The following TRIM5 variants were observed in gnomAD, a reference collection of about 807,000 sequenced individuals.
The protein encoded by TRIM5 is tripartite motif containing 5, also known as tripartite motif-containing protein 5.
TRIM5 carries 31 observed loss-of-function variants against 35.6 expected under a neutral mutation model. That is an observed-to-expected ratio of 0.87 (90% CI 0.65 to 1.18). TRIM5 has a LOEUF of 1.18. Ranked by LOEUF, TRIM5 falls within the 50% of genes most tolerant of loss-of-function variation. TRIM5 has a pLI of 0.00. For missense variants in TRIM5, 609 were observed against 591.6 expected, an observed-to-expected ratio of 1.03 and a Z score of -0.31; for synonymous variants, 243 against 215.6, an observed-to-expected ratio of 1.13 and a Z score of -1.11.
the TRIM5 span, among the ~76,000 whole-genome samples, chr11:5,592,932 A>G: frequency 5.4e-5 from 6 of 110,692 alleles, no homozygotes; most frequent in South Asian, 2.8e-4. Flanking sequence ...AAAAAAAAAG[A>G]AAAAAGAAAA....
chr11:5,643,925 C>A, the TRIM5 span: 1 of 614,240 alleles, frequency 1.6e-6, no homozygotes, highest in Non-Finnish European at 2.7e-6. Flanking sequence ...CTAATCCCTC[C>A]TAAAGACACA....
chr11:5,595,626 C>T, the TRIM5 span, among the ~76,000 whole-genome samples: 1 of 152,102 alleles, frequency 6.6e-6, no homozygotes. Flanking sequence ...AGACAATTTA[C>T]AAGGGTCATC....
downstream of TRIM5, among the ~76,000 whole-genome samples, chr11:5,661,584 C>G (rs1850827159): frequency 6.6e-6 from 1 of 152,136 alleles, no homozygotes; most frequent in Admixed American, 6.6e-5. Context: ...AATGGCCCAG[C>G]ATAGATCTGA....
chr11:5,609,736 CATG>C, the TRIM5 span, among the ~76,000 whole-genome samples: 1 of 152,158 alleles, frequency 6.6e-6, no homozygotes, highest in Non-Finnish European at 1.5e-5. Context: ...TCCTGGCTAA[CATG>C]ATGAAACCCT....
chr11:5,596,750 C>A, the TRIM5 span: 1 of 1,244,330 alleles, frequency 8.0e-7, no homozygotes. Context: ...CGGAACGGAG[C>A]AGAGTCGTGC....
intron 1 of TRIM5, among the ~76,000 whole-genome samples, chr11:5,683,473 G>A (rs958311243): frequency 2.6e-5 from 4 of 151,930 alleles, no homozygotes; most frequent in African/African-American, 7.3e-5. Flanking sequence ...TGCACCAATC[G>A]ACACTCTATA....
intron 4 of TRIM5, among the ~76,000 whole-genome samples, chr11:5,675,956 A>G (rs10838522): frequency 0.36 from 31,493 of 87,802 alleles, 6,766 homozygotes; most frequent in Non-Finnish European, 0.54. Context: ...GCGGTGTTTG[A>G]TTTTTTGTTC....
At chr11:5,652,882 C>T in the TRIM5 span, among the ~76,000 whole-genome samples, 2 of 147,246 alleles carry the variant, frequency 1.4e-5, no homozygotes, top group Non-Finnish European at 3.0e-5. Context: ...GGCAGAGTCT[C>T]GCTCTGTTGC....
At chr11:5,678,954 G>A in intron 3 of TRIM5, 120 bp downstream of exon 3, 1 of 803,468 alleles carries the variant, frequency 1.2e-6, no homozygotes, top group Non-Finnish European at 2.1e-6. Flanking sequence ...AAAGGATGAA[G>A]AGGACTAATC....
At chr11:5,603,204 CTT>C in the TRIM5 span, 5 of 1,582,114 alleles carry the variant, frequency 3.2e-6, no homozygotes, top group Non-Finnish European at 3.4e-6. Context: ...ATTCTCCCTC[CTT>C]TCTTACCCTG....
chr11:5,643,995 A>G, the TRIM5 span: 456,126 of 489,038 alleles, frequency 0.93, 214,303 homozygotes, highest in East Asian at 1. Context: ...TATCACTGAT[A>G]TGAAGAGGCC....
In TRIM5 at chr11:5,664,840, A is replaced by G. The variant is rs1851000302; in HGVS notation, c.1451T>C (p.Val484Ala). Reference sequence around the variant, plus strand: ...GCTTGGTGAGCACAGAGTCATGGGGACTCCACATTTTCTAGGATTTAAATA... The same window carrying G: ...GCTTGGTGAGCACAGAGTCATGGGGGCTCCACATTTTCTAGGATTTAAATA... ...FPYLNPRKCG[V>A]PMTLCSPSS is the part of the protein sequence containing the mutation. The change falls in exon 8 of 8, where the codon GTC (valine) becomes GCC (alanine). Residue 484 changes from valine to alanine, a missense_variant. Coordinates refer to ENST00000380034, the MANE Select transcript of TRIM5 (RefSeq NM_033034.3). 3 of 1,608,092 alleles carry G rather than the reference A, an allele frequency of 1.9e-6. 1 individual carries two copies. Among genetic ancestry groups the G allele is most frequent in the South Asian group, 2.2e-5 (2 of 89,784 alleles).
rs542509668 is a variant in TRIM5 at position 5,670,818 on chromosome 11, A to C, written c.745-3107T>G. Among the ~76,000 whole-genome samples, 84 of 152,306 alleles carry C rather than the reference A, an allele frequency of 5.5e-4. No homozygotes were observed. The South Asian group carries it at 6.0e-3, about 11-fold the overall frequency. Reference sequence around the variant, plus strand: ...AGCTAGGATCCTACACTTAAAAATTATATTTTAGCTTTCTTTAAACACAGC... The same window carrying C: ...AGCTAGGATCCTACACTTAAAAATTCTATTTTAGCTTTCTTTAAACACAGC... On this transcript the variant is annotated intron_variant, in intron 4 of 7. Coordinates refer to ENST00000380034, the MANE Select transcript of TRIM5 (RefSeq NM_033034.3).
chr11:5,615,319 T>C, the TRIM5 span, among the ~76,000 whole-genome samples: 1 of 152,172 alleles, frequency 6.6e-6, no homozygotes, highest in Admixed American at 6.5e-5. Context: ...CTTTACTGCT[T>C]TTCTATGAGA....
downstream of TRIM5, among the ~76,000 whole-genome samples, chr11:5,658,974 G>C (rs182922662): frequency 6.6e-6 from 1 of 152,078 alleles, no homozygotes; most frequent in African/African-American, 2.4e-5. Context: ...GACACAGGGC[G>C]GGGAACATCA....
the TRIM5 span, among the ~76,000 whole-genome samples, chr11:5,600,258 A>C: frequency 6.6e-6 from 1 of 152,338 alleles, no homozygotes; most frequent in East Asian, 1.9e-4. Context: ...CAGTTTATAC[A>C]ACTATGAGAT....
the TRIM5 span, among the ~76,000 whole-genome samples, chr11:5,639,044 G>A: frequency 1.3e-5 from 2 of 151,948 alleles, no homozygotes; most frequent in Non-Finnish European, 2.9e-5. Context: ...CTAGAGTCTT[G>A]GAAAGTTTCT....
the TRIM5 span, among the ~76,000 whole-genome samples, chr11:5,608,847 A>ATTTTTT: frequency 0.14 from 13,812 of 101,172 alleles, 1,444 homozygotes; most frequent in Middle Eastern, 0.21. Flanking sequence ...TTGCCCATAA[A>ATTTTTT]TTTTTTTTTT....
the TRIM5 span, chr11:5,608,371 G>A: frequency 1.2e-5 from 20 of 1,613,514 alleles, no homozygotes; most frequent in Non-Finnish European, 1.7e-5. Context: ...TTCCTTCCTA[G>A]GATGTGAGTG....
Sources: gnomAD v4.1 joint callset for allele counts (sites outside exome capture counted in the v4.1 genomes callset) on GRCh38, gnomAD v4.1.1 for gene constraint, MANE v1.5 for transcripts, NCBI Gene and HGNC (gene_info 2026-07-23, HGNC 2026-07-21) for gene names.